Variants in KPNA1 observed in about 807,000 individuals in gnomAD.
KPNA1 encodes importin subunit alpha-5.
KPNA1 carries 10 observed loss-of-function variants against 70.5 expected under a neutral mutation model. The observed-to-expected ratio is 0.14, with a 90% CI of 0.09 to 0.24. The LOEUF is 0.24. KPNA1 is among the 10% of genes least tolerant of loss of function. KPNA1 has a pLI of 1.00. For synonymous variants in KPNA1, 192 were observed against 221.9 expected (o/e 0.87, Z 1.20); for missense variants, 397 against 637.9 (o/e 0.62, Z 4.07).
intron 1 of KPNA1, among the ~76,000 whole-genome samples, chr3:122,508,881 A>T (rs1005558433): frequency 5.3e-5 from 8 of 152,316 alleles, no homozygotes; most frequent in African/African-American, 1.7e-4. Context: ...TGGTAACAAA[A>T]TTTTTAAAAC....
At chr3:122,509,605 G>A (rs1259923062) in intron 1 of KPNA1, among the ~76,000 whole-genome samples, 2 of 152,092 alleles carry the variant, frequency 1.3e-5, no homozygotes, top group Admixed American at 6.5e-5. Context: ...AAAGACCTTT[G>A]CAAGGTCTAT....
rs1403589287 is a variant in KPNA1 at position 122,433,685 on chromosome 3, G to A, written c.1226C>T (p.Ser409Phe). 1 of 1,609,894 alleles carries A rather than the reference G, an allele frequency of 6.2e-7. No homozygotes were observed. Among genetic ancestry groups the A allele is most frequent in the Admixed American group, 1.7e-5 (1 of 58,782 alleles). ...EAAWAITNAT[S>F]GGSAEQIKYL... ...CTTGATCTGTTCAGCTGATCCTCCA[G>A]AAGTTGCATTTGTGATGGCCCAAGC... Residue 409 changes from serine to phenylalanine, a missense_variant, in exon 12 of 14, where the codon TCT (serine) becomes TTT (phenylalanine). Transcript: ENST00000344337.
At chr3:122,497,835 C>G (rs895001690) in intron 1 of KPNA1, among the ~76,000 whole-genome samples, 3 of 152,022 alleles carry the variant, frequency 2.0e-5, no homozygotes, top group Admixed American at 6.6e-5. Context: ...ATCAGATATG[C>G]TTTTCAAATA....
chr3:122,482,137 G>C (rs2076578716), intron 2 of KPNA1, among the ~76,000 whole-genome samples: 1 of 152,266 alleles, frequency 6.6e-6, no homozygotes, highest in Non-Finnish European at 1.5e-5. Flanking sequence ...CACAAACCTA[G>C]ATGGAATAGC....
chr3:122,454,545 G>A (rs1364695590), intron 5 of KPNA1, among the ~76,000 whole-genome samples: 1 of 152,140 alleles, frequency 6.6e-6, no homozygotes, highest in East Asian at 1.9e-4. Flanking sequence ...TAATAAAAAA[G>A]ATTTAAAAAC....
At chr3:122,496,633 C>T in intron 1 of KPNA1, 63 bp from the exon 2 acceptor site, 1 of 1,500,240 alleles carries the variant, frequency 6.7e-7, no homozygotes, top group South Asian at 1.2e-5. Context: ...ATTCTAAGAG[C>T]TCAGTCTTTT....
chr3:122,429,469 A>AAAAG (rs1553780496), intron 12 of KPNA1, among the ~76,000 whole-genome samples: 1 of 149,926 alleles, frequency 6.7e-6, no homozygotes, highest in East Asian at 2.0e-4. Context: ...AAAAAAAAAA[A>AAAAG]GAATCTCATT....
At chr3:122,456,783 T>C (rs1465155292) in intron 5 of KPNA1, among the ~76,000 whole-genome samples, 1 of 152,206 alleles carries the variant, frequency 6.6e-6, no homozygotes, top group East Asian at 1.9e-4. Context: ...CTCAATGCAA[T>C]TCAGGAATGA....
intron 3 of KPNA1, among the ~76,000 whole-genome samples, chr3:122,465,281 A>C (rs567093105): frequency 6.6e-6 from 1 of 152,350 alleles, no homozygotes; most frequent in African/African-American, 2.4e-5. Flanking sequence ...AGTTGAAAAT[A>C]TTAAGTAAAA....
intron 4 of KPNA1, among the ~76,000 whole-genome samples, chr3:122,463,261 TG>T (rs1422818160): frequency 1.3e-5 from 2 of 150,776 alleles, no homozygotes; most frequent in Non-Finnish European, 2.9e-5. Flanking sequence ...GGCAGGAGAA[TG>T]GCGTGAACCC....
Position 122,460,623 on chromosome 3 carries a change from CA to C in KPNA1, c.432+600del, listed in dbSNP as rs371871188. ...CTGCACTCCAGCATGGGCGACAGAGCAAGACTCTGTCTCAAGAAAAAGAAGA... is the reference window on the plus strand; with the variant it reads ...CTGCACTCCAGCATGGGCGACAGAGCAGACTCTGTCTCAAGAAAAAGAAGA... On this transcript the variant is annotated intron_variant, in intron 5 of 13. Coordinates refer to ENST00000344337, the MANE Select transcript of KPNA1 (RefSeq NM_002264.4). The C allele has an allele frequency of 1.2e-4, 58 of 483,686 alleles. 1 individual carries two copies. In the African/African-American group the frequency reaches 1.2e-3, roughly 10 times the overall value. The allele number at this position is 483,686 out of a possible 1,614,324, so 30.0% of individuals were successfully genotyped here.
intron 10 of KPNA1, among the ~76,000 whole-genome samples, chr3:122,441,819 T>A (rs887766589): frequency 2.6e-5 from 4 of 152,218 alleles, no homozygotes; most frequent in African/African-American, 9.6e-5. Context: ...CAGGCTGGTG[T>A]CGAACTCCTG....
intron 5 of KPNA1, chr3:122,460,795 G>T: frequency 2.8e-6 from 1 of 359,884 alleles, no homozygotes; most frequent in African/African-American, 2.2e-5. Context: ...GGCTTTTTGT[G>T]GGGTGGAGGA....
intron 2 of KPNA1, among the ~76,000 whole-genome samples, chr3:122,477,879 C>G (rs1163157727): frequency 6.6e-6 from 1 of 151,082 alleles, no homozygotes; most frequent in Non-Finnish European, 1.5e-5. Context: ...AAAAAAATGT[C>G]CAGGCTGCGT....
At chr3:122,463,684 ACTACTAT>A (rs2076350630) in intron 4 of KPNA1, among the ~76,000 whole-genome samples, 1 of 152,220 alleles carries the variant, frequency 6.6e-6, no homozygotes, top group South Asian at 2.1e-4. Flanking sequence ...CATGATACTG[ACTACTAT>A]TCACTATAAA....
rs1350019798 is a variant in KPNA1 at position 122,422,639 on chromosome 3, G to A, written c.*4346C>T. 6.6e-6 allele frequency: 1 copy of A among 152,198 alleles called. No individual in the cohort carries two copies. The highest frequency in any genetic ancestry group is 1.5e-5 in the Non-Finnish European group (1 of 68,042). The allele number at this position is 152,198 out of a possible 1,614,324, so 9.4% of individuals were successfully genotyped here. A position where few individuals can be genotyped will look rare whatever the true frequency, so the allele number is the denominator to read the frequency against. On this transcript the variant is annotated 3_prime_UTR_variant, in exon 14 of 14. Transcript: ENST00000344337. ...CTTTCTTCAAGACACAGAATTTGCAGGGCTCTTCCCCGCCCTTGGACAGCC... is the reference window on the plus strand; with the variant it reads ...CTTTCTTCAAGACACAGAATTTGCAAGGCTCTTCCCCGCCCTTGGACAGCC...
intron 2 of KPNA1, among the ~76,000 whole-genome samples, chr3:122,479,617 G>A (rs982038691): frequency 7.2e-5 from 11 of 152,030 alleles, no homozygotes; most frequent in South Asian, 2.1e-4. Flanking sequence ...AAAATTAGCC[G>A]GGAGTGGTGG....
chr3:122,484,513 G>A (rs2076607057), intron 2 of KPNA1, among the ~76,000 whole-genome samples: 1 of 152,116 alleles, frequency 6.6e-6, no homozygotes, highest in African/African-American at 2.4e-5. Flanking sequence ...TGGCATGGTG[G>A]TGGGCGCCTA....
At chr3:122,495,162 A>C in intron 2 of KPNA1, among the ~76,000 whole-genome samples, 1 of 150,620 alleles carries the variant, frequency 6.6e-6, no homozygotes, top group Non-Finnish European at 1.5e-5. Flanking sequence ...AGACAGGAGA[A>C]TCGCTTGAAC....
Sources: gnomAD v4.1 joint callset for allele counts (sites outside exome capture counted in the v4.1 genomes callset) on GRCh38, gnomAD v4.1.1 for gene constraint, MANE v1.5 for transcripts, NCBI Gene and HGNC (gene_info 2026-07-23, HGNC 2026-07-21) for gene names.